SH3TC2: variants seen among roughly 807,000 people sequenced by gnomAD.
SH3TC2 encodes the protein SH3 domain and tetratricopeptide repeats 2.
In SH3TC2, 87 loss-of-function variants were observed where a neutral mutation model predicts 124.5. The ratio of observed to expected loss-of-function variants is 0.70; its 90% CI spans 0.59 to 0.84. The LOEUF (loss-of-function observed/expected upper bound fraction) is 0.84. SH3TC2 is among the 40% of genes least tolerant of loss of function. SH3TC2 has a pLI of 0.00. For missense variants in SH3TC2, 1,536 were observed against 1,566.4 expected (o/e 0.98, Z 0.33); for synonymous variants, 634 against 628.5 (o/e 1.01, Z -0.13).
chr5:149,038,426 G>C lies in SH3TC2; in HGVS notation c.870C>G (p.Tyr290Ter). 1.9e-6 allele frequency: 3 copies of C among 1,614,142 alleles called. No homozygotes were observed. The highest frequency in any genetic ancestry group is 2.5e-6 in the Non-Finnish European group (3 of 1,180,018). Residue 290 changes from tyrosine (Y) to a stop codon, truncating the protein, a stop_gained, in exon 8 of 17, where the codon TAC (tyrosine) becomes TAG (stop). Coordinates refer to ENST00000515425, the MANE Select transcript of SH3TC2 (RefSeq NM_024577.4). LOFTEE classifies it high-confidence loss of function. The stretch of plus-strand genomic sequence containing the variant: ...CGATGATCTCAATGCTTTCTCCCTG[G>C]TAGAAATTCAGTTCATCCTTTTCTC... ...EPGEKDELNFYQGESIEIIGF... is the reference protein window; with the variant it reads ...EPGEKDELNF
At chr5:149,051,290 A>G (rs1754551952) in intron 2 of SH3TC2, among the ~76,000 whole-genome samples, 1 of 152,252 alleles carries the variant, frequency 6.6e-6, no homozygotes, top group African/African-American at 2.4e-5. Flanking sequence ...AGATTCGTAC[A>G]GATGCCCTTC....
In SH3TC2 at chr5:149,001,344, T is replaced by C. The variant is rs1366442620; in HGVS notation, c.*3367A>G. The C allele has an allele frequency of 6.6e-6, 1 of 152,202 alleles. No individual in the cohort carries two copies. Among genetic ancestry groups the C allele is most frequent in the Admixed American group, 6.5e-5 (1 of 15,292 alleles). 9.4% of individuals were successfully genotyped at this position (152,202 alleles called of 1,614,324 possible). A position where few individuals can be genotyped will look rare whatever the true frequency, so the allele number is the denominator to read the frequency against. On this transcript the variant is annotated 3_prime_UTR_variant, in exon 17 of 17. Coordinates refer to ENST00000515425, the MANE Select transcript of SH3TC2 (RefSeq NM_024577.4). Reference sequence around the variant, plus strand: ...AAACATGTTACAGGGTTTTCCACAATGTTGCAATGCCCTTCTTGTTCTTTA... The same window carrying C: ...AAACATGTTACAGGGTTTTCCACAACGTTGCAATGCCCTTCTTGTTCTTTA...
chr5:149,011,924 C>T (rs547942055), intron 13 of SH3TC2, among the ~76,000 whole-genome samples: 3 of 152,194 alleles, frequency 2.0e-5, no homozygotes, highest in Admixed American at 2.0e-4. Context: ...TTAATAAATG[C>T]TTACTATGCA....
Position 149,004,841 on chromosome 5 carries a change from T to A in SH3TC2, c.3737A>T (p.Asp1246Val). The A allele has an allele frequency of 6.2e-7, 1 of 1,614,130 alleles. No individual in the cohort carries two copies. The highest frequency in any genetic ancestry group is 8.5e-7 in the Non-Finnish European group (1 of 1,180,022). ...CCTAATGGTGTCCTGAAGCTCCTCA[T>A]CACCCAGCAGGACCGCTGCTGCCAG... ...LALAAAVLLG[D>V]EELQDTIRSR... The change falls in exon 17 of 17, where the codon GAT (aspartate) becomes GTT (valine). Residue 1246 changes from aspartate (D) to valine (V), a missense_variant. By Grantham distance (152) the Asp-to-Val change is radical. Transcript: ENST00000515425.
At chr5:149,024,936 G>C (rs953170469) in intron 12 of SH3TC2, among the ~76,000 whole-genome samples, 6 of 152,192 alleles carry the variant, frequency 3.9e-5, no homozygotes, top group African/African-American at 1.2e-4. Flanking sequence ...AGTGGAGTAG[G>C]TGATGTCTGG....
intron 2 of SH3TC2, among the ~76,000 whole-genome samples, chr5:149,050,498 T>C (rs918301111): frequency 3.3e-5 from 5 of 152,198 alleles, no homozygotes; most frequent in African/African-American, 1.2e-4. Flanking sequence ...CACCTACAGA[T>C]ACCCTTTGTT....
chr5:149,006,173 T>G (rs1395970215), intron 16 of SH3TC2: 1 of 153,802 alleles, frequency 6.5e-6, no homozygotes, highest in Non-Finnish European at 1.4e-5. Context: ...GTAGAAGGAT[T>G]GCTTGAGCCC....
chr5:149,014,816 C>A (rs1448806669), intron 12 of SH3TC2, among the ~76,000 whole-genome samples: 3 of 152,220 alleles, frequency 2.0e-5, no homozygotes, highest in African/African-American at 7.2e-5. Context: ...CTGTACCCTG[C>A]AAACTCAAGC....
chr5:149,027,791 G>T lies in SH3TC2; in HGVS notation c.1941C>A (p.Gly647=). 1 of 1,613,930 alleles carries T rather than the reference G, an allele frequency of 6.2e-7. No individual in the cohort carries two copies. Among genetic ancestry groups the T allele is most frequent in the Non-Finnish European group, 8.5e-7 (1 of 1,179,992 alleles). The part of the protein sequence containing the change: ...FLAIRLLLSL[G]RHEEVLPFAE... ...CAAAGGGCAGGACCTCCTCGTGCCG[G>T]CCTAGGCTCAGGAGCAAGCGGATGG... The change falls in exon 11 of 17, where the codon GGC becomes GGA. Residue 647 remains glycine (G), a synonymous_variant. Coordinates refer to ENST00000515425, the MANE Select transcript of SH3TC2 (RefSeq NM_024577.4).
intron 8 of SH3TC2, among the ~76,000 whole-genome samples, chr5:149,037,567 C>G (rs976258523): frequency 1.3e-5 from 2 of 152,128 alleles, no homozygotes; most frequent in African/African-American, 4.8e-5. Context: ...CAGTGTAGGG[C>G]GCTATGTTGT....
At chr5:149,061,747 G>C (rs1754753172) in intron 1 of SH3TC2, among the ~76,000 whole-genome samples, 1 of 152,184 alleles carries the variant, frequency 6.6e-6, no homozygotes, top group Non-Finnish European at 1.5e-5. Context: ...TCTCCGACCA[G>C]TGGTCCTGCA....
intron 5 of SH3TC2, 127 bp downstream of exon 5, chr5:149,042,567 G>C (rs1754389721): frequency 1.8e-6 from 2 of 1,125,504 alleles, no homozygotes; most frequent in Non-Finnish European, 2.7e-6. Flanking sequence ...TATTATAACA[G>C]GTGGGTTCAT....
chr5:149,000,809 C>A lies in SH3TC2; in HGVS notation c.*3902G>T, dbSNP rs1306907773. 6.6e-6 allele frequency among the ~76,000 whole-genome samples: 1 copy of A among 152,152 alleles called. No individual in the cohort carries two copies. Among genetic ancestry groups the A allele is most frequent in the African/African-American group, 2.4e-5 (1 of 41,422 alleles). On this transcript the variant is annotated 3_prime_UTR_variant, in exon 17 of 17. Transcript: ENST00000515425. ...TCTGGGAGAAAGTTACCCTTCTGTT[C>A]CTCAGTTTACTCACCTGTAAAAAGA...
intron 16 of SH3TC2, among the ~76,000 whole-genome samples, chr5:149,005,882 G>A (rs553495158): frequency 1.3e-5 from 2 of 152,232 alleles, no homozygotes; most frequent in African/African-American, 4.8e-5. Flanking sequence ...TCTAGTAAAA[G>A]GAAGCCAATC....
At chr5:149,005,443 G>A (rs1217396914) in intron 16 of SH3TC2, among the ~76,000 whole-genome samples, 2 of 152,316 alleles carry the variant, frequency 1.3e-5, no homozygotes, top group African/African-American at 4.8e-5. Context: ...AGTTAAATTT[G>A]TAGCTCAGCC....
chr5:149,004,782 A>T lies in SH3TC2; in HGVS notation c.3796T>A (p.Trp1266Arg). Residue 1266 changes from tryptophan (W) to arginine (R), a missense_variant, in exon 17 of 17, where the codon TGG (tryptophan) becomes AGG (arginine). Transcript: ENST00000515425. ...RLDNICQSPL[W>R]HSRPSGCSSE... ...GAGCACCCGGAGGGCCTGCTGTGCCACAGGGGGCTCTGGCAGATGTTGTCC... is the reference window on the plus strand; with the variant it reads ...GAGCACCCGGAGGGCCTGCTGTGCCTCAGGGGGCTCTGGCAGATGTTGTCC... 6.2e-7 allele frequency: 1 copy of T among 1,614,100 alleles called. No individual in the cohort carries two copies. The highest frequency in any genetic ancestry group is 8.5e-7 in the Non-Finnish European group (1 of 1,180,018).
chr5:149,008,999 A>G lies in SH3TC2; in HGVS notation c.3330T>C (p.Ala1110=). 8 of 1,614,206 alleles carry G rather than the reference A, an allele frequency of 5.0e-6. No individual in the cohort carries two copies. The highest frequency in any genetic ancestry group is 6.8e-6 in the Non-Finnish European group (8 of 1,180,026). The change falls in exon 15 of 17, where the codon GCT becomes GCC. Residue 1110 remains alanine, a splice_region_variant and synonymous_variant. Coordinates refer to ENST00000515425, the MANE Select transcript of SH3TC2 (RefSeq NM_024577.4). ...HRHHAVEYYR[A]GAVPLARRLK... Reference sequence around the variant, plus strand: ...ACCTCCTTGCTAAAGGAACAGCTCCAGCCTAGGAACAGAAGCCCAAGGAAC... The same window carrying G: ...ACCTCCTTGCTAAAGGAACAGCTCCGGCCTAGGAACAGAAGCCCAAGGAAC...
In SH3TC2 at chr5:149,004,505, G is replaced by A. The variant is rs1441467894; in HGVS notation, c.*206C>T. 3.3e-6 allele frequency: 2 copies of A among 608,138 alleles called. No homozygotes were observed. The highest frequency in any genetic ancestry group is 5.7e-6 in the Non-Finnish European group (2 of 349,540). The allele number at this position is 608,138 out of a possible 1,614,324, so 37.7% of individuals were successfully genotyped here. On this transcript the variant is annotated 3_prime_UTR_variant, in exon 17 of 17. Transcript: ENST00000515425. ...GGTAAAGGCTCCAGATGCAAAGCCTGGAACCAGGAATTCTCATCGCTGCAC... is the reference window on the plus strand; with the variant it reads ...GGTAAAGGCTCCAGATGCAAAGCCTAGAACCAGGAATTCTCATCGCTGCAC...
At chr5:149,034,449 G>T in intron 8 of SH3TC2, 1 of 394,238 alleles carries the variant, frequency 2.5e-6, no homozygotes, top group Non-Finnish European at 5.0e-6. Context: ...AATATTCAAA[G>T]GAAGAAGGAC....
Sources: gnomAD v4.1 joint callset for allele counts (sites outside exome capture counted in the v4.1 genomes callset) on GRCh38, gnomAD v4.1.1 for gene constraint, MANE v1.5 for transcripts, NCBI Gene and HGNC (gene_info 2026-07-23, HGNC 2026-07-21) for gene names.